NKAIN2: variants seen among roughly 807,000 people sequenced by gnomAD.
The protein encoded by NKAIN2 is sodium/potassium-transporting ATPase subunit beta-1-interacting protein 2.
NKAIN2 carries 14 observed loss-of-function variants against 32.6 expected under a neutral mutation model. The observed-to-expected ratio is 0.43, with a 90% CI of 0.28 to 0.67. NKAIN2 has a LOEUF of 0.67. Ranked by LOEUF, NKAIN2 falls within the 30% of genes least tolerant of loss-of-function variation. The pLI is 0.17. For missense variants in NKAIN2, 198 were observed against 258.3 expected (o/e 0.77, Z 1.60); for synonymous variants, 80 against 87.2 (o/e 0.92, Z 0.46).
In NKAIN2 at chr6:124,824,236, C is replaced by G. The variant is rs1781504227; in HGVS notation, c.*1007C>G. 6.6e-6 allele frequency: 1 copy of G among 152,584 alleles called. No individual in the cohort carries two copies. The highest frequency in any genetic ancestry group is 2.4e-5 in the African/African-American group (1 of 41,428). 9.5% of individuals were successfully genotyped at this position (152,584 alleles called of 1,614,324 possible). A position where few individuals can be genotyped will look rare whatever the true frequency, so the allele number is the denominator to read the frequency against. On this transcript the variant is annotated 3_prime_UTR_variant, in exon 7 of 7. Transcript: ENST00000368417. ...CTAACACAGAAACAGCTGTGGATTT[C>G]TATCAACAGAGGCCAACTGAATATG...
Position 124,198,066 on chromosome 6 carries a change from C to T in NKAIN2, c.55-84939C>T, listed in dbSNP as rs564209194. On this transcript the variant is annotated intron_variant, in intron 1 of 6. Transcript: ENST00000368417. ...TTGGGATTTTTCATTGCTGTATGTA[C>T]TTGTTGTACATCACGAGTTTAAATA... is the stretch of plus-strand genomic sequence containing the variant. 1.1e-3 allele frequency among the ~76,000 whole-genome samples: 171 copies of T among 152,044 alleles called. 1 individual carries two copies. The highest frequency in any genetic ancestry group is 4.0e-3 in the African/African-American group (165 of 41,490).
In NKAIN2 at chr6:124,815,252, A is replaced by ATATATATGTG. The variant is rs1562400520; in HGVS notation, c.536-3128_536-3127insGTGTATATAT. Among the ~76,000 whole-genome samples the ATATATATGTG allele has an allele frequency of 4.1e-3, 515 of 126,590 alleles. 7 individuals are homozygous for ATATATATGTG. The highest frequency in any genetic ancestry group is 0.016 in the African/African-American group (497 of 30,754). The allele number at this position is 126,590 out of a possible 152,430, so 83.0% of individuals were successfully genotyped here. A position where few individuals can be genotyped will look rare whatever the true frequency, so the allele number is the denominator to read the frequency against. On this transcript the variant is annotated intron_variant, in intron 5 of 6. Transcript: ENST00000368417. The stretch of plus-strand genomic sequence containing the variant: ...TATATATATATATATGTATATATGT[A>ATATATATGTG]TATATATATGTGTATATATATGTAT...
intron 1 of NKAIN2, among the ~76,000 whole-genome samples, chr6:124,246,309 G>T (rs899876787): frequency 7.2e-5 from 11 of 151,900 alleles, no homozygotes; most frequent in Non-Finnish European, 1.2e-4. Flanking sequence ...TCTCTCCATT[G>T]TCTATTGCAT....
At chr6:124,738,693 T>G (rs925108861) in intron 4 of NKAIN2, among the ~76,000 whole-genome samples, 3 of 151,854 alleles carry the variant, frequency 2.0e-5, no homozygotes, top group Non-Finnish European at 4.4e-5. Context: ...CATGGGAGTA[T>G]AAAGAGCAGT....
At chr6:123,873,892 TTG>T (rs1773034780) in intron 1 of NKAIN2, among the ~76,000 whole-genome samples, 1 of 152,224 alleles carries the variant, frequency 6.6e-6, no homozygotes, top group South Asian at 2.1e-4. Flanking sequence ...ATTCAGACCT[TTG>T]TGCTTTGTGA....
chr6:124,539,170 A>G (rs1779820762), intron 3 of NKAIN2, among the ~76,000 whole-genome samples: 1 of 148,184 alleles, frequency 6.7e-6, no homozygotes, highest in South Asian at 2.2e-4. Flanking sequence ...CACTTTTTGT[A>G]TAATCAGAGA....
In NKAIN2 at chr6:124,144,660, A is replaced by G. The variant is rs116730959; in HGVS notation, c.55-138345A>G. On this transcript the variant is annotated intron_variant, in intron 1 of 6. Coordinates refer to ENST00000368417, the MANE Select transcript of NKAIN2 (RefSeq NM_001040214.3). ...AAATGAATCATGGACTTAAAAGTGA[A>G]ATGTAAAACTGTAAATAATTTAACA... is the stretch of plus-strand genomic sequence containing the variant. Among the ~76,000 whole-genome samples the G allele has an allele frequency of 2.8e-3, 427 of 152,304 alleles. 3 individuals are homozygous for G. Among genetic ancestry groups the G allele is most frequent in the African/African-American group, 9.7e-3 (405 of 41,568 alleles).
At chr6:124,395,995 G>A (rs1331016026) in intron 3 of NKAIN2, among the ~76,000 whole-genome samples, 1 of 152,106 alleles carries the variant, frequency 6.6e-6, no homozygotes, top group Non-Finnish European at 1.5e-5. Context: ...GGCTACATCA[G>A]TGAACAAAAC....
intron 3 of NKAIN2, among the ~76,000 whole-genome samples, chr6:124,403,275 A>C (rs1425580086): frequency 6.6e-6 from 1 of 151,130 alleles, no homozygotes. Context: ...TTTTTAAATT[A>C]TTTCTATATA....
At chr6:123,968,998 C>T (rs1778215466) in intron 1 of NKAIN2, among the ~76,000 whole-genome samples, 1 of 152,056 alleles carries the variant, frequency 6.6e-6, no homozygotes, top group Non-Finnish European at 1.5e-5. Context: ...TTCCTCCTTC[C>T]CCCCAGCTCA....
At chr6:123,887,498 T>C (rs981942023) in intron 1 of NKAIN2, among the ~76,000 whole-genome samples, 1 of 152,160 alleles carries the variant, frequency 6.6e-6, no homozygotes, top group African/African-American at 2.4e-5. Context: ...TTAAAGGGTA[T>C]TAAATCTAAA....
intron 6 of NKAIN2, among the ~76,000 whole-genome samples, chr6:124,820,432 G>A (rs892150814): frequency 6.6e-6 from 1 of 152,100 alleles, no homozygotes; most frequent in African/African-American, 2.4e-5. Flanking sequence ...TTATATGAAA[G>A]AATATATATA....
intron 3 of NKAIN2, among the ~76,000 whole-genome samples, chr6:124,446,001 G>T (rs1054027586): frequency 2.0e-5 from 3 of 152,070 alleles, no homozygotes; most frequent in African/African-American, 7.2e-5. Context: ...TCAAAATGGG[G>T]GAGCGGGAAT....
At chr6:124,404,312 AG>A (rs1341066774) in intron 3 of NKAIN2, among the ~76,000 whole-genome samples, 3 of 152,074 alleles carry the variant, frequency 2.0e-5, no homozygotes, top group Non-Finnish European at 4.4e-5. Flanking sequence ...CAAAAGAGAG[AG>A]GGTTCACCAG....
At chr6:124,228,195 G>C (rs1792223652) in intron 1 of NKAIN2, among the ~76,000 whole-genome samples, 1 of 152,136 alleles carries the variant, frequency 6.6e-6, no homozygotes. Flanking sequence ...ACTTCAGTTT[G>C]ATGGTATTTG....
intron 3 of NKAIN2, among the ~76,000 whole-genome samples, chr6:124,416,037 G>A (rs185701308): frequency 7.9e-5 from 12 of 151,550 alleles, no homozygotes; most frequent in Middle Eastern, 6.8e-3. Context: ...ATTGCACAGC[G>A]TTTCTCCTTC....
intron 1 of NKAIN2, among the ~76,000 whole-genome samples, chr6:124,230,438 A>G (rs555518429): frequency 2.8e-4 from 42 of 152,322 alleles, no homozygotes; most frequent in African/African-American, 8.4e-4. Context: ...AGAAATTTGC[A>G]TAAGTGATAA....
chr6:124,365,940 G>T (rs909117471), intron 3 of NKAIN2, among the ~76,000 whole-genome samples: 14 of 151,684 alleles, frequency 9.2e-5, no homozygotes, highest in African/African-American at 2.9e-4. Flanking sequence ...CAATAAAAAT[G>T]AATTTATTGC....
At chr6:123,842,641 A>G (rs914186274) in intron 1 of NKAIN2, among the ~76,000 whole-genome samples, 1 of 152,148 alleles carries the variant, frequency 6.6e-6, no homozygotes, top group African/African-American at 2.4e-5. Flanking sequence ...ATCTTTGGCA[A>G]TGATGACTGA....
Sources: allele counts gnomAD v4.1 joint callset (sites outside exome capture counted in the v4.1 genomes callset), GRCh38; gene constraint gnomAD v4.1.1; transcripts MANE v1.5; gene names NCBI Gene and HGNC (gene_info 2026-07-23, HGNC 2026-07-21).